Variants in FER observed in about 807,000 individuals in gnomAD.
FER encodes tyrosine-protein kinase Fer.
In FER, 63 loss-of-function variants were observed where a neutral mutation model predicts 111.0. That is an observed-to-expected ratio of 0.57 (90% CI 0.46 to 0.70). The LOEUF (loss-of-function observed/expected upper bound fraction) is 0.70. Ranked by LOEUF, FER falls within the 30% of genes least tolerant of loss-of-function variation. FER has a pLI of 0.00. For missense variants in FER, 914 were observed against 954.0 expected (o/e 0.96, Z 0.55); for synonymous variants, 327 against 313.9 (o/e 1.04, Z -0.44).
At chr5:109,124,649 C>G (rs1366738333) in intron 17 of FER, among the ~76,000 whole-genome samples, 1 of 151,864 alleles carries the variant, frequency 6.6e-6, no homozygotes, top group African/African-American at 2.4e-5. Context: ...TTGACAGCAG[C>G]CTTAAATCAA....
intron 16 of FER, chr5:109,051,502 A>G (rs1233357213): frequency 3.7e-6 from 6 of 1,609,078 alleles, no homozygotes; most frequent in Non-Finnish European, 5.1e-6. Flanking sequence ...CGCCTGCCCC[A>G]TTCGATTTTG....
intron 3 of FER, chr5:108,820,662 C>G (rs1352547980): frequency 2.7e-6 from 1 of 371,228 alleles, no homozygotes; most frequent in African/African-American, 2.2e-5. Flanking sequence ...TGAGCTAATG[C>G]AGCTCAGCAT....
At chr5:108,970,914 G>A (rs1025829225) in intron 13 of FER, among the ~76,000 whole-genome samples, 2 of 152,138 alleles carry the variant, frequency 1.3e-5, no homozygotes, top group African/African-American at 4.8e-5. Flanking sequence ...GATGGAAAAT[G>A]CCATTCTGGT....
In FER at chr5:108,768,126, C is replaced by T. The variant is rs1273851833; in HGVS notation, c.-172C>T. 1.3e-5 allele frequency: 2 copies of T among 152,196 alleles called. No individual in the cohort carries two copies. The highest frequency in any genetic ancestry group is 2.1e-4 in the South Asian group (1 of 4,824). 9.4% of individuals were successfully genotyped at this position (152,196 alleles called of 1,614,324 possible). ...TTTTGGCTAGACCTATGACCATTTT[C>T]GCTAGACTTCACTGCACGTTTTCTC... On this transcript the variant is annotated 5_prime_UTR_variant, in exon 2 of 20. Coordinates refer to ENST00000281092, the MANE Select transcript of FER (RefSeq NM_005246.4).
intron 17 of FER, among the ~76,000 whole-genome samples, chr5:109,165,593 G>GGTGTGTGTGTGTGT (rs66749153): frequency 1.4e-4 from 20 of 142,350 alleles, no homozygotes; most frequent in Middle Eastern, 3.5e-3. Flanking sequence ...GGAGGGAACT[G>GGTGTGTGTGTGTGT]GTGTGTGTGT....
chr5:108,966,388 C>CTTTTT (rs34899054), intron 13 of FER, among the ~76,000 whole-genome samples: 21 of 124,936 alleles, frequency 1.7e-4, no homozygotes, highest in Non-Finnish European at 2.3e-4. Context: ...TTTTTCTTTT[C>CTTTTT]TTTTTTTTTT....
chr5:108,814,365 A>C (rs1180688973), intron 3 of FER, among the ~76,000 whole-genome samples: 1 of 152,168 alleles, frequency 6.6e-6, no homozygotes, highest in Non-Finnish European at 1.5e-5. Context: ...GTTTATTAAG[A>C]AAGTAAAGTG....
At chr5:109,114,470 G>C (rs1582091117) in intron 17 of FER, among the ~76,000 whole-genome samples, 1 of 151,824 alleles carries the variant, frequency 6.6e-6, no homozygotes, top group East Asian at 1.9e-4. Flanking sequence ...AATCATGCAG[G>C]GTTTTAACTT....
intron 14 of FER, among the ~76,000 whole-genome samples, chr5:109,038,073 T>G (rs1364093948): frequency 6.6e-6 from 1 of 151,898 alleles, no homozygotes; most frequent in East Asian, 1.9e-4. Context: ...AGTTGGAAGT[T>G]TCTTTGAACT....
At chr5:108,762,282 T>A (rs1272451725) in intron 1 of FER, among the ~76,000 whole-genome samples, 1 of 152,234 alleles carries the variant, frequency 6.6e-6, no homozygotes, top group Non-Finnish European at 1.5e-5. Flanking sequence ...GTTTTTGCCC[T>A]GACCCCAGTG....
At chr5:109,099,698 A>T (rs554641781) in intron 16 of FER, among the ~76,000 whole-genome samples, 10 of 151,740 alleles carry the variant, frequency 6.6e-5, no homozygotes, top group South Asian at 4.2e-4. Flanking sequence ...AAATATTTTT[A>T]AAAATTTTTT....
In FER at chr5:109,100,514, A is replaced by G. The variant is rs1172470514; in HGVS notation, c.2043A>G (p.Ile681Met). The change falls in exon 17 of 20, where the codon ATA (isoleucine) becomes ATG (methionine). Residue 681 changes from isoleucine (I) to methionine (M), a missense_variant. By Grantham distance (10) the Ile-to-Met change is conservative. Around this residue, in one of 3 missense-constraint regions of FER, gnomAD observed 774 missense variants for 782.6 expected, o/e 0.99. Coordinates refer to ENST00000281092, the MANE Select transcript of FER (RefSeq NM_005246.4). ...TGTATCTCGAGAGTAAAAACTGTAT[A>G]CACAGGTAAGGAGAACATTTTTAAA... is the stretch of plus-strand genomic sequence containing the variant. ...GMLYLESKNC[I>M]HRDLAARNCL... 1.9e-6 allele frequency: 3 copies of G among 1,609,608 alleles called. No homozygotes were observed. The highest frequency in any genetic ancestry group is 2.5e-6 in the Non-Finnish European group (3 of 1,177,286).
chr5:108,871,220 A>C (rs1266365377), intron 6 of FER, 145 bp from the exon 7 acceptor site: 1 of 544,530 alleles, frequency 1.8e-6, no homozygotes, highest in East Asian at 3.0e-5. Flanking sequence ...TTTACTCTCC[A>C]GGTATGAAAT....
chr5:109,134,504 C>T (rs1396041000), intron 17 of FER, among the ~76,000 whole-genome samples: 1 of 152,072 alleles, frequency 6.6e-6, no homozygotes, highest in Non-Finnish European at 1.5e-5. Flanking sequence ...ACCCCAGCTG[C>T]TTTAGAGGCC....
intron 13 of FER, among the ~76,000 whole-genome samples, chr5:108,993,640 C>CGGGGGA (rs1763610814): frequency 9.0e-6 from 1 of 111,090 alleles, no homozygotes; most frequent in Non-Finnish European, 2.0e-5. Context: ...AGGGTGAGGG[C>CGGGGGA]GAGGGCGAGG....
At chr5:109,043,270 T>C (rs1436028760) in intron 14 of FER, among the ~76,000 whole-genome samples, 2 of 152,192 alleles carry the variant, frequency 1.3e-5, no homozygotes, top group South Asian at 4.1e-4. Context: ...AATTAATATC[T>C]TCTCTCAGCT....
At chr5:108,933,196 A>G (rs2149588539) in intron 10 of FER, among the ~76,000 whole-genome samples, 1 of 152,230 alleles carries the variant, frequency 6.6e-6, no homozygotes, top group East Asian at 1.9e-4. Context: ...GGTATTGCCT[A>G]GGTTTTCTTC....
rs77365035 is a variant in FER at position 108,966,220 on chromosome 5, A to G, written c.1656+6873A>G. On this transcript the variant is annotated intron_variant, in intron 13 of 19. Coordinates refer to ENST00000281092, the MANE Select transcript of FER (RefSeq NM_005246.4). ...TACATTTTTTTTGCCTACTTTATAA[A>G]TATTTGAAGGGAAATGGGCATAGGC... 5.3e-3 allele frequency among the ~76,000 whole-genome samples: 808 copies of G among 152,188 alleles called. 6 individuals carry two copies. Among genetic ancestry groups the G allele is most frequent in the South Asian group, 0.014 (68 of 4,822 alleles).
At position 109,047,285 on chromosome 5, in the gene FER, C is replaced by T. The variant is rs556719716; in HGVS notation, c.1924+87C>T. On this transcript the variant is annotated intron_variant, in intron 16 of 19. Coordinates refer to ENST00000281092, the MANE Select transcript of FER (RefSeq NM_005246.4). ...ATGTTCGATCTCTTTGATTTCTCCT[C>T]GTAAAGTCTCCAAGGATTTTGTTTA... 4.0e-5 allele frequency: 29 copies of T among 725,850 alleles called. No individual in the cohort carries two copies. The South Asian group carries it at 4.8e-4, about 12-fold the overall frequency. The allele number at this position is 725,850 out of a possible 1,614,324, so 45.0% of individuals were successfully genotyped here. A position where few individuals can be genotyped will look rare whatever the true frequency, so the allele number is the denominator to read the frequency against.
Sources: allele counts gnomAD v4.1 joint callset (sites outside exome capture counted in the v4.1 genomes callset), GRCh38; gene constraint gnomAD v4.1.1; regional missense constraint gnomAD v4.1.1; transcripts MANE v1.5; gene names NCBI Gene and HGNC (gene_info 2026-07-23, HGNC 2026-07-21).